The following SLC39A11 variants were observed in gnomAD, a reference collection of about 807,000 sequenced individuals.
SLC39A11 encodes the protein solute carrier family 39 member 11.
In SLC39A11, 33 loss-of-function variants were observed where a neutral mutation model predicts 36.1. That is an observed-to-expected ratio of 0.91 (90% confidence interval 0.69 to 1.22). The LOEUF is 1.22. SLC39A11 is among the 50% of genes most tolerant of loss of function. SLC39A11 has a pLI of 0.00. For synonymous variants in SLC39A11, 166 were observed against 170.3 expected, an observed-to-expected ratio of 0.97 and a Z score of 0.20; for missense variants, 432 against 430.3, an observed-to-expected ratio of 1.00 and a Z score of -0.03.
chr17:72,798,097 T>C (rs2076954816), intron 6 of SLC39A11, among the ~76,000 whole-genome samples: 1 of 152,024 alleles, frequency 6.6e-6, no homozygotes, highest in Non-Finnish European at 1.5e-5. Flanking sequence ...GAGATGGGTG[T>C]ATCACTAGGA....
intron 5 of SLC39A11, among the ~76,000 whole-genome samples, chr17:72,892,130 T>C (rs2081780580): frequency 6.6e-6 from 1 of 152,092 alleles, no homozygotes; most frequent in African/African-American, 2.4e-5. Context: ...TAAAAAGTTA[T>C]TAGAGGCTGG....
At chr17:72,866,565 A>G (rs895830411) in intron 5 of SLC39A11, among the ~76,000 whole-genome samples, 3 of 152,236 alleles carry the variant, frequency 2.0e-5, no homozygotes, top group African/African-American at 4.8e-5. Context: ...ATAGACACAC[A>G]TACAAACACA....
chr17:72,955,318 T>TTTTTTTC (rs60684190), intron 4 of SLC39A11, among the ~76,000 whole-genome samples: 2 of 144,960 alleles, frequency 1.4e-5, no homozygotes, highest in East Asian at 4.0e-4. Flanking sequence ...TTTTTTTTTT[T>TTTTTTTC]GTTTGAGACT....
At chr17:72,873,689 G>GCA (rs2080757284) in intron 5 of SLC39A11, among the ~76,000 whole-genome samples, 1 of 152,122 alleles carries the variant, frequency 6.6e-6, no homozygotes. Context: ...ACTCAACTTA[G>GCA]CACACTGCCC....
chr17:72,868,824 T>A (rs542516692), intron 5 of SLC39A11, among the ~76,000 whole-genome samples: 1 of 151,476 alleles, frequency 6.6e-6, no homozygotes, highest in South Asian at 2.1e-4. Context: ...AAAAAAAAAA[T>A]CTTCAGTAAG....
In SLC39A11 at chr17:72,956,159, G is replaced by C. The variant is rs561496034; in HGVS notation, c.307-8284C>G. On this transcript the variant is annotated intron_variant, in intron 4 of 9. Coordinates refer to ENST00000255559, the MANE Select transcript of SLC39A11 (RefSeq NM_139177.4). ...CCAGCTTCGTCCCCATCACCTTCAT[G>C]ACCTTAACATGAAACTTCACAATGG... 4.6e-5 allele frequency among the ~76,000 whole-genome samples: 7 copies of C among 152,224 alleles called. No homozygotes were observed. In the South Asian group the frequency reaches 1.2e-3, roughly 27 times the overall value.
chr17:72,922,987 A>G (rs972420567), intron 5 of SLC39A11, among the ~76,000 whole-genome samples: 3 of 149,660 alleles, frequency 2.0e-5, no homozygotes, highest in African/African-American at 7.3e-5. Context: ...AAAAAAAAAA[A>G]AAACACACAG....
At chr17:72,966,110 G>A (rs551927597) in intron 4 of SLC39A11, among the ~76,000 whole-genome samples, 1 of 152,352 alleles carries the variant, frequency 6.6e-6, no homozygotes, top group African/African-American at 2.4e-5. Context: ...GACAGGCCCA[G>A]CTGAGGGCAA....
At chr17:72,735,196 G>A (rs1223043521) in intron 7 of SLC39A11, among the ~76,000 whole-genome samples, 1 of 152,184 alleles carries the variant, frequency 6.6e-6, no homozygotes, top group East Asian at 1.9e-4. Context: ...TCCAGCCCAT[G>A]CACATATTCG....
chr17:72,902,204 G>A (rs2082424859), intron 5 of SLC39A11, among the ~76,000 whole-genome samples: 3 of 152,030 alleles, frequency 2.0e-5, no homozygotes, highest in Admixed American at 2.0e-4. Flanking sequence ...CTGGGAGGTG[G>A]AGGTTGTGGT....
chr17:73,067,128 C>A (rs185906230), intron 3 of SLC39A11, among the ~76,000 whole-genome samples: 1 of 152,340 alleles, frequency 6.6e-6, no homozygotes, highest in East Asian at 1.9e-4. Flanking sequence ...TGTGTGGCCA[C>A]AAGAGTGCTG....
intron 4 of SLC39A11, among the ~76,000 whole-genome samples, chr17:72,957,683 G>T (rs930721065): frequency 6.6e-6 from 1 of 152,082 alleles, no homozygotes; most frequent in African/African-American, 2.4e-5. Context: ...GCCAGGCGTG[G>T]TAGTGCACAC....
intron 4 of SLC39A11, among the ~76,000 whole-genome samples, chr17:73,004,382 C>T (rs748094602): frequency 5.9e-5 from 9 of 152,162 alleles, no homozygotes; most frequent in Non-Finnish European, 1.2e-4. Flanking sequence ...CCCAGAGGGC[C>T]GTCTTCTTGC....
chr17:72,677,583 G>A (rs56376687), intron 7 of SLC39A11, among the ~76,000 whole-genome samples: 71,669 of 151,428 alleles, frequency 0.47, 17,084 homozygotes, highest in Admixed American at 0.52. Context: ...CAGGGCAAAT[G>A]AGGGTTTGTG....
intron 4 of SLC39A11, among the ~76,000 whole-genome samples, chr17:72,989,875 G>C (rs948328417): frequency 6.6e-6 from 1 of 152,156 alleles, no homozygotes; most frequent in Admixed American, 6.5e-5. Flanking sequence ...CTGTCACCTA[G>C]GATAAAATGA....
chr17:72,888,084 CAA>C (rs2146668086), intron 5 of SLC39A11, among the ~76,000 whole-genome samples: 2 of 152,324 alleles, frequency 1.3e-5, no homozygotes, highest in African/African-American at 4.8e-5. Flanking sequence ...TGAGATGTCT[CAA>C]GAGCTAGAAA....
At chr17:72,736,871 A>C (rs963093444) in intron 6 of SLC39A11, 152 bp from the exon 7 acceptor site, 4 of 677,594 alleles carry the variant, frequency 5.9e-6, no homozygotes, top group Admixed American at 4.5e-5. Context: ...AAACTAAGTC[A>C]TGGGGGCCAA....
intron 6 of SLC39A11, among the ~76,000 whole-genome samples, chr17:72,798,319 T>C (rs1032546109): frequency 1.3e-5 from 2 of 151,908 alleles, no homozygotes; most frequent in African/African-American, 4.8e-5. Flanking sequence ...ATGTTCTTGG[T>C]GAGTAATCTT....
rs2059878568 is a variant in SLC39A11, at chr17:73,062,482, T to C, written c.147+22326A>G. On this transcript the variant is annotated intron_variant, in intron 3 of 9. Coordinates refer to ENST00000255559, the MANE Select transcript of SLC39A11 (RefSeq NM_139177.4). ...GTCTCAAAAAAAAAAAAAAAAACTT[T>C]AGGTGATACACTTCTGCTACCTGAT... Among the ~76,000 whole-genome samples, 2 of 35,896 alleles carry C rather than the reference T, an allele frequency of 5.6e-5. 1 individual carries two copies. Among genetic ancestry groups the C allele is most frequent in the African/African-American group, 1.8e-4 (2 of 11,386 alleles). The allele number at this position is 35,896 out of a possible 152,430, so 23.5% of individuals were successfully genotyped here. A position where few individuals can be genotyped will look rare whatever the true frequency, so the allele number is the denominator to read the frequency against.
Sources: gnomAD v4.1 joint callset for allele counts (sites outside exome capture counted in the v4.1 genomes callset) on GRCh38, gnomAD v4.1.1 for gene constraint, MANE v1.5 for transcripts, NCBI Gene and HGNC (gene_info 2026-07-23, HGNC 2026-07-21) for gene names.